The following IGLL1 variants were observed in gnomAD, a reference collection of about 807,000 sequenced individuals.
IGLL1 encodes immunoglobulin lambda like polypeptide 1.
In IGLL1, 10 loss-of-function variants were observed where a neutral mutation model predicts 10.5. That is an observed-to-expected ratio of 0.95 (90% CI 0.59 to 1.62). The LOEUF (loss-of-function observed/expected upper bound fraction) is 1.62, where lower values mean the gene tolerates loss of function less well. Among genes scored for constraint, IGLL1 ranks in the 40% most tolerant of loss-of-function variants. The pLI, the probability that IGLL1 is intolerant of heterozygous loss-of-function variation, is 0.00. For missense variants in IGLL1, 284 were observed against 278.7 expected (o/e 1.02, Z -0.14); for synonymous variants, 141 against 122.7 (o/e 1.15, Z -0.99).
chr22:23,574,918 T>C lies in IGLL1; in HGVS notation c.322+49A>G, dbSNP rs1282582476. The C allele has an allele frequency of 3.1e-6, 4 of 1,298,592 alleles. No individual in the cohort carries two copies. In the Admixed American group the frequency reaches 6.9e-5, roughly 22 times the overall value. The allele number at this position is 1,298,592 out of a possible 1,614,324, so 80.4% of individuals were successfully genotyped here. A position where few individuals can be genotyped will look rare whatever the true frequency, so the allele number is the denominator to read the frequency against. ...AGCCCCAGAGAGAGAAAACACATTTTCCAGAGACAGGAGAGGGTGGGACAG... is the reference window on the plus strand; with the variant it reads ...AGCCCCAGAGAGAGAAAACACATTTCCCAGAGACAGGAGAGGGTGGGACAG... On this transcript the variant is annotated intron_variant, in intron 2 of 2. Transcript: ENST00000330377.
chr22:23,579,015 A>G (rs131421), intron 1 of IGLL1, among the ~76,000 whole-genome samples: 69,563 of 151,850 alleles, frequency 0.46, 20,986 homozygotes, highest in African/African-American at 0.84. Context: ...GGTCCCAGAG[A>G]TGCACGTGTC....
intron 1 of IGLL1, among the ~76,000 whole-genome samples, chr22:23,578,118 G>C (rs554995174): frequency 6.6e-6 from 1 of 151,540 alleles, no homozygotes; most frequent in South Asian, 2.1e-4. Context: ...TCCTGACCTC[G>C]TGATCTGCCC....
chr22:23,575,108 T>C (rs1039493191), intron 1 of IGLL1, 26 bp from the exon 2 acceptor site: 1 of 1,531,502 alleles, frequency 6.5e-7, no homozygotes, highest in Non-Finnish European at 9.1e-7. Flanking sequence ...GGCACAGGGC[T>C]GCAGTGTGTA....
At chr22:23,574,158 T>C (rs56064449) in intron 2 of IGLL1, among the ~76,000 whole-genome samples, 8,582 of 144,276 alleles carry the variant, frequency 0.059, 1,530 homozygotes, top group African/African-American at 0.18. Context: ...CCCCAGACTT[T>C]GGGGCACCGC....
At chr22:23,579,504 C>G (rs920805243) in intron 1 of IGLL1, among the ~76,000 whole-genome samples, 11 of 152,044 alleles carry the variant, frequency 7.2e-5, no homozygotes, top group Non-Finnish European at 1.5e-4. Flanking sequence ...AAAGGCCCCT[C>G]ACACCTTAGC....
At chr22:23,575,969 A>G (rs62240501) in intron 1 of IGLL1, among the ~76,000 whole-genome samples, 2,311 of 151,182 alleles carry the variant, frequency 0.015, 29 homozygotes, top group South Asian at 0.044. Flanking sequence ...CCTCTTTCTT[A>G]GCCATTTTCA....
chr22:23,577,585 T>A (rs1327496135), intron 1 of IGLL1, among the ~76,000 whole-genome samples: 1 of 147,784 alleles, frequency 6.8e-6, no homozygotes, highest in Non-Finnish European at 1.5e-5. Flanking sequence ...TCACCCAGGC[T>A]GGAGTGCAGT....
chr22:23,573,359 G>C lies in IGLL1; in HGVS notation c.549C>G (p.Pro183=), dbSNP rs75088277. The change falls in exon 3 of 3, where the codon CCC becomes CCG. Residue 183 remains proline (P), a synonymous_variant. Transcript: ENST00000330377. ...AGCTTCTGCGGGACCTCCACTGCTCGGGCGTCAGGCTCAGGTAGCTGCTGG... is the reference window on the plus strand; with the variant it reads ...AGCTTCTGCGGGACCTCCACTGCTCCGGCGTCAGGCTCAGGTAGCTGCTGG... ...YAASSYLSLT[P]EQWRSRRSYS... The C allele has an allele frequency of 1.2e-6, 2 of 1,614,066 alleles. No homozygotes were observed. Among genetic ancestry groups the C allele is most frequent in the South Asian group, 2.2e-5 (2 of 91,076 alleles).
intron 1 of IGLL1, among the ~76,000 whole-genome samples, chr22:23,576,360 C>CAAAAAAA (rs11455488): frequency 6.0e-5 from 4 of 67,108 alleles, no homozygotes; most frequent in African/African-American, 2.3e-4. Flanking sequence ...AAGACTGTCC[C>CAAAAAAA]AAAAAAAAAA....
intron 2 of IGLL1, among the ~76,000 whole-genome samples, chr22:23,574,508 CTG>C (rs1162425938): frequency 2.0e-5 from 3 of 152,164 alleles, no homozygotes; most frequent in Non-Finnish European, 2.9e-5. Context: ...AGAGCCCTCT[CTG>C]TGCCCTCCAT....
chr22:23,576,040 C>A (rs1925042998), intron 1 of IGLL1, among the ~76,000 whole-genome samples: 2 of 152,122 alleles, frequency 1.3e-5, no homozygotes, highest in African/African-American at 4.8e-5. Context: ...AGCTCCAAAC[C>A]CTCTCAGCTC....
Position 23,573,348 on chromosome 22 carries a change from C to G in IGLL1, c.560G>C (p.Arg187Thr), listed in dbSNP as rs553132705. The change falls in exon 3 of 3, where the codon AGG becomes ACG. Residue 187 changes from arginine to threonine, a missense_variant. Transcript: ENST00000330377. ...SYLSLTPEQWRSRRSYSCQVM... is the reference protein window; with the variant it reads ...SYLSLTPEQWTSRRSYSCQVM... ...CTGGCAGCTGTAGCTTCTGCGGGAC[C>G]TCCACTGCTCGGGCGTCAGGCTCAG... 6.2e-7 allele frequency: 1 copy of G among 1,614,130 alleles called. No homozygotes were observed. The highest frequency in any genetic ancestry group is 8.5e-7 in the Non-Finnish European group (1 of 1,180,030).
At chr22:23,578,479 C>T (rs1236922078) in intron 1 of IGLL1, among the ~76,000 whole-genome samples, 1 of 152,188 alleles carries the variant, frequency 6.6e-6, no homozygotes, top group Non-Finnish European at 1.5e-5. Flanking sequence ...CTCAGAAGTC[C>T]GTGCAGGACA....
Position 23,573,385 on chromosome 22 carries a change from C to T in IGLL1, c.523G>A (p.Ala175Thr). 6.2e-7 allele frequency: 1 copy of T among 1,614,118 alleles called. No homozygotes were observed. Among genetic ancestry groups the T allele is most frequent in the South Asian group, 1.1e-5 (1 of 91,084 alleles). ...PSKQSNNKYA[A>T]SSYLSLTPEQ... ...GGCGTCAGGCTCAGGTAGCTGCTGG[C>T]CGCGTACTTGTTGTTGCTCTGTTTG... The change falls in exon 3 of 3, where the codon GCC (alanine) becomes ACC (threonine). Residue 175 changes from alanine (A) to threonine (T), a missense_variant. Coordinates refer to ENST00000330377, the MANE Select transcript of IGLL1 (RefSeq NM_020070.4).
At chr22:23,576,661 A>G (rs1192806070) in intron 1 of IGLL1, among the ~76,000 whole-genome samples, 3 of 152,068 alleles carry the variant, frequency 2.0e-5, no homozygotes, top group Non-Finnish European at 2.9e-5. Flanking sequence ...CGAACTCCCG[A>G]CCTCAGGTGA....
At position 23,575,022 on chromosome 22, in the gene IGLL1, G is replaced by C; in HGVS notation, c.267C>G (p.Ser89=). 2 of 1,614,150 alleles carry C rather than the reference G, an allele frequency of 1.2e-6. No individual in the cohort carries two copies. Among genetic ancestry groups the C allele is most frequent in the Non-Finnish European group, 1.7e-6 (2 of 1,179,998 alleles). ...GPRCWPRGFQ[S]KHNSVTHVFG... ...ACACATGCGTCACTGAGTTATGCTT[G>C]GATTGAAACCCCCGGGGCCAGCACC... The change falls in exon 2 of 3, where the codon TCC becomes TCG. Residue 89 remains serine, a synonymous_variant. Transcript: ENST00000330377.
rs2275975 is a variant in IGLL1 at position 23,574,974 on chromosome 22, G to A, written c.315C>T (p.Thr105=). The change falls in exon 2 of 3, where the codon ACC becomes ACT. Residue 105 remains threonine, a synonymous_variant. Transcript: ENST00000330377. Reference sequence around the variant, plus strand: ...GAAGTTAGAGCCACTTACTTAAAACGGTGAGCTGGGTCCCGCTGCCAAACA... The same window carrying A: ...GAAGTTAGAGCCACTTACTTAAAACAGTGAGCTGGGTCCCGCTGCCAAACA... ...THVFGSGTQL[T]VLSQPKATPS... is the part of the protein sequence containing the mutation. 1.9e-4 allele frequency: 302 copies of A among 1,610,468 alleles called. 1 individual carries two copies. In the East Asian group the frequency reaches 5.4e-3, roughly 29 times the overall value.
chr22:23,575,182 C>T (rs1569070476), intron 1 of IGLL1, 100 bp from the exon 2 acceptor site: 1 of 841,494 alleles, frequency 1.2e-6, no homozygotes, highest in South Asian at 1.3e-5. Context: ...CCAGTAGTGT[C>T]TCTGTGCCTG....
In IGLL1 at chr22:23,580,137, G is replaced by A; in HGVS notation, c.54C>T (p.Pro18=). The A allele has an allele frequency of 6.4e-7, 1 of 1,558,840 alleles. No individual in the cohort carries two copies. The highest frequency in any genetic ancestry group is 2.3e-5 in the East Asian group (1 of 42,582). ...GGLEAPGEPG[P]NLRQRWPLLL... ...GCAGGGGCCAGCGCTGCCTGAGGTT[G>A]GGGCCTGGCTCACCAGGGGCCTCAA... Residue 18 remains proline, a synonymous_variant, in exon 1 of 3, where the codon CCC becomes CCT. Coordinates refer to ENST00000330377, the MANE Select transcript of IGLL1 (RefSeq NM_020070.4).
Sources: gnomAD v4.1 joint callset for allele counts (sites outside exome capture counted in the v4.1 genomes callset) on GRCh38, gnomAD v4.1.1 for gene constraint, MANE v1.5 for transcripts, NCBI Gene and HGNC (gene_info 2026-07-23, HGNC 2026-07-21) for gene names.